PDZRN3: variants seen among roughly 807,000 people sequenced by gnomAD.
PDZRN3 encodes the protein PDZ domain containing ring finger 3, also known as E3 ubiquitin-protein ligase PDZRN3.
In PDZRN3, 38 loss-of-function variants were observed where a neutral mutation model predicts 85.7. The observed-to-expected ratio is 0.44, with a 90% CI of 0.34 to 0.58. PDZRN3 has a LOEUF of 0.58. Ranked by LOEUF, PDZRN3 falls within the 20% of genes least tolerant of loss-of-function variation. PDZRN3 has a pLI of 0.01. For missense variants in PDZRN3, 1,629 were observed against 1,506.4 expected (o/e 1.08, Z -1.35); for synonymous variants, 759 against 638.0 (o/e 1.19, Z -2.86).
Position 73,616,273 on chromosome 3 carries a change from A to T in PDZRN3, c.724-7589T>A, listed in dbSNP as rs113739029. Among the ~76,000 whole-genome samples, 408 of 152,320 alleles carry T rather than the reference A, an allele frequency of 2.7e-3. 5 individuals carry two copies. In the East Asian group the frequency reaches 0.035, roughly 13 times the overall value. On this transcript the variant is annotated intron_variant, in intron 1 of 9. Transcript: ENST00000263666. ...GAGCCAAACAAACCTCTTTCTTTAC[A>T]AATCACCCAGCCTCAGGTATTTCTT...
chr3:73,592,643 T>C (rs182545492), intron 3 of PDZRN3, among the ~76,000 whole-genome samples: 254 of 152,298 alleles, frequency 1.7e-3, no homozygotes, highest in Non-Finnish European at 2.4e-3. Context: ...ACTGTGGCAC[T>C]TGGCATGGCA....
rs1299471969 is a variant in PDZRN3 at position 73,600,345 on chromosome 3, T to A, written c.918+2009A>T. 1.9e-4 allele frequency among the ~76,000 whole-genome samples: 27 copies of A among 141,996 alleles called. No individual in the cohort carries two copies. The South Asian group carries it at 4.3e-3, about 23-fold the overall frequency. The allele number at this position is 141,996 out of a possible 152,430, so 93.2% of individuals were successfully genotyped here. On this transcript the variant is annotated intron_variant, in intron 3 of 9. Transcript: ENST00000263666. Reference sequence around the variant, plus strand: ...CACACACACACACACACACTCTCTCTCTCTCTCTCTCTCTCTCTCTCAAAA... The same window carrying A: ...CACACACACACACACACACTCTCTCACTCTCTCTCTCTCTCTCTCTCAAAA...
chr3:73,533,874 C>T (rs545274700), intron 3 of PDZRN3, among the ~76,000 whole-genome samples: 1 of 152,196 alleles, frequency 6.6e-6, no homozygotes, highest in Non-Finnish European at 1.5e-5. Context: ...GCCTGACCAC[C>T]CTATACCAAA....
chr3:73,447,848 C>G (rs1702781535), intron 3 of PDZRN3, among the ~76,000 whole-genome samples: 1 of 152,182 alleles, frequency 6.6e-6, no homozygotes, highest in Non-Finnish European at 1.5e-5. Flanking sequence ...ACTCTACACT[C>G]CTTCTTAACT....
intron 3 of PDZRN3, among the ~76,000 whole-genome samples, chr3:73,563,544 C>A (rs1002093701): frequency 6.6e-6 from 1 of 152,140 alleles, no homozygotes; most frequent in African/African-American, 2.4e-5. Flanking sequence ...TCTATGGCTA[C>A]TATTTTATAC....
At chr3:73,559,491 A>C (rs1485859330) in intron 3 of PDZRN3, among the ~76,000 whole-genome samples, 3 of 152,044 alleles carry the variant, frequency 2.0e-5, no homozygotes, top group Non-Finnish European at 4.4e-5. Flanking sequence ...ATTAAGGAGA[A>C]CCTCTCTGGT....
intron 3 of PDZRN3, among the ~76,000 whole-genome samples, chr3:73,413,172 G>A (rs377587619): frequency 6.6e-5 from 10 of 151,112 alleles, no homozygotes; most frequent in Non-Finnish European, 1.0e-4. Flanking sequence ...CTATAAACAG[G>A]GTTGTGAAGA....
chr3:73,403,857 T>G (rs1701801491), intron 4 of PDZRN3, among the ~76,000 whole-genome samples: 1 of 152,282 alleles, frequency 6.6e-6, no homozygotes, highest in East Asian at 1.9e-4. Flanking sequence ...CAAATTACCA[T>G]TTGGGGTGAT....
intron 3 of PDZRN3, among the ~76,000 whole-genome samples, chr3:73,599,730 C>T (rs1370542582): frequency 6.6e-6 from 1 of 152,182 alleles, no homozygotes; most frequent in Non-Finnish European, 1.5e-5. Flanking sequence ...CATGGAAATT[C>T]ACATCCTGTA....
intron 3 of PDZRN3, among the ~76,000 whole-genome samples, chr3:73,424,541 C>CAAAAA (rs34550639): frequency 7.4e-5 from 4 of 54,216 alleles, no homozygotes; most frequent in African/African-American, 7.5e-5. Context: ...GACTCCATCT[C>CAAAAA]AAAAAAAAAA....
intron 3 of PDZRN3, among the ~76,000 whole-genome samples, chr3:73,502,012 A>G (rs974251578): frequency 8.1e-5 from 12 of 147,432 alleles, no homozygotes; most frequent in African/African-American, 2.9e-4. Context: ...CAGATTCAGT[A>G]TCAAAATAAA....
At chr3:73,520,113 C>T (rs1227812306) in intron 3 of PDZRN3, among the ~76,000 whole-genome samples, 1 of 152,172 alleles carries the variant, frequency 6.6e-6, no homozygotes, top group Non-Finnish European at 1.5e-5. Context: ...TGGAAAGACA[C>T]CCCTGGCACT....
chr3:73,474,664 T>C lies in PDZRN3; in HGVS notation c.919-70269A>G, dbSNP rs987793570. The C allele has an allele frequency of 4.4e-6, 5 of 1,126,264 alleles. 1 individual carries two copies. The highest frequency in any genetic ancestry group is 1.1e-6 in the Non-Finnish European group (1 of 895,734). 69.8% of individuals were successfully genotyped at this position (1,126,264 alleles called of 1,614,324 possible). ...GTGGCAAGGGTGTACACTTTTAAGATCACAGAATAGGGAGGCACTGAACAA... is the reference window on the plus strand; with the variant it reads ...GTGGCAAGGGTGTACACTTTTAAGACCACAGAATAGGGAGGCACTGAACAA... On this transcript the variant is annotated intron_variant, in intron 3 of 9. Transcript: ENST00000263666.
chr3:73,429,795 A>T (rs1364469731), intron 3 of PDZRN3, among the ~76,000 whole-genome samples: 2 of 152,140 alleles, frequency 1.3e-5, no homozygotes, highest in African/African-American at 4.8e-5. Flanking sequence ...TTCTCAAATC[A>T]TTCATTCTTC....
chr3:73,475,332 C>T (rs1228541519), intron 3 of PDZRN3, among the ~76,000 whole-genome samples: 1 of 152,166 alleles, frequency 6.6e-6, no homozygotes, highest in Non-Finnish European at 1.5e-5. Flanking sequence ...TTATGAAAGG[C>T]GATTTGTTCA....
At chr3:73,501,724 T>G (rs1703983052) in intron 3 of PDZRN3, among the ~76,000 whole-genome samples, 1 of 152,120 alleles carries the variant, frequency 6.6e-6, no homozygotes, top group Non-Finnish European at 1.5e-5. Context: ...CTAAAACAAG[T>G]CATTAGAAGG....
intron 3 of PDZRN3, among the ~76,000 whole-genome samples, chr3:73,420,415 G>A (rs1285347120): frequency 6.6e-6 from 1 of 152,160 alleles, no homozygotes; most frequent in Non-Finnish European, 1.5e-5. Flanking sequence ...CCCCTACTTG[G>A]CACACTGGAG....
chr3:73,475,008 A>G (rs1020536839), intron 3 of PDZRN3, among the ~76,000 whole-genome samples: 3 of 152,270 alleles, frequency 2.0e-5, no homozygotes, highest in South Asian at 4.2e-4. Context: ...CAGTACTTAG[A>G]TAAGTTAATA....
chr3:73,576,651 C>T (rs1386981541), intron 3 of PDZRN3, among the ~76,000 whole-genome samples: 1 of 152,158 alleles, frequency 6.6e-6, no homozygotes, highest in African/African-American at 2.4e-5. Flanking sequence ...TCTTAAAGAG[C>T]CTGGTGAAAT....
Sources: allele counts gnomAD v4.1 joint callset (sites outside exome capture counted in the v4.1 genomes callset), GRCh38; gene constraint gnomAD v4.1.1; transcripts MANE v1.5; gene names NCBI Gene and HGNC (gene_info 2026-07-23, HGNC 2026-07-21).